MTA3: variants seen among roughly 807,000 people sequenced by gnomAD.
MTA3 encodes the protein metastasis-associated protein MTA3.
MTA3 carries 34 observed loss-of-function variants against 83.5 expected under a neutral mutation model. That is an observed-to-expected ratio of 0.41 (90% CI 0.31 to 0.54). The LOEUF (loss-of-function observed/expected upper bound fraction) is 0.54. MTA3 is among the 20% of genes least tolerant of loss of function. The pLI, the probability that MTA3 is intolerant of heterozygous loss-of-function variation, is 0.33. For synonymous variants in MTA3, 303 were observed against 252.7 expected, an observed-to-expected ratio of 1.20 and a Z score of -1.89; for missense variants, 761 against 726.4, an observed-to-expected ratio of 1.05 and a Z score of -0.55.
chr2:42,753,890 A>G lies in MTA3; in HGVS notation c.*491A>G, dbSNP rs761536371. 6 of 987,564 alleles carry G rather than the reference A, an allele frequency of 6.1e-6. No individual in the cohort carries two copies. Among genetic ancestry groups the G allele is most frequent in the Non-Finnish European group, 7.2e-6 (6 of 831,590 alleles). The allele number at this position is 987,564 out of a possible 1,614,324, so 61.2% of individuals were successfully genotyped here. A position where few individuals can be genotyped will look rare whatever the true frequency, so the allele number is the denominator to read the frequency against. On this transcript the variant is annotated 3_prime_UTR_variant, in exon 17 of 17. Transcript: ENST00000405094. ...AATGCGCCAGTGTTTATGAGGTTCA[A>G]GGTATTTCCCTGTCCTTGCTGTTAC...
intron 16 of MTA3, among the ~76,000 whole-genome samples, chr2:42,740,802 A>C (rs1013310971): frequency 6.6e-6 from 1 of 152,272 alleles, no homozygotes; most frequent in Non-Finnish European, 1.5e-5. Flanking sequence ...TAGGCAGAAT[A>C]GATTAAGCAT....
chr2:42,539,643 G>A (rs900894505), intron 2 of MTA3, among the ~76,000 whole-genome samples: 2 of 138,214 alleles, frequency 1.4e-5, no homozygotes, highest in Non-Finnish European at 3.0e-5. Flanking sequence ...ATGCAGTGGT[G>A]TGATCTCAGC....
chr2:42,572,353 G>C lies in MTA3; in HGVS notation c.96+1849G>C, dbSNP rs144789918. Among the ~76,000 whole-genome samples the C allele has an allele frequency of 3.4e-3, 519 of 152,112 alleles. 4 individuals are homozygous for C. The highest frequency in any genetic ancestry group is 0.013 in the South Asian group (63 of 4,816). On this transcript the variant is annotated intron_variant, in intron 2 of 16. Coordinates refer to ENST00000405094, the MANE Select transcript of MTA3 (RefSeq NM_001330442.2). ...AATCCTAACATTTTGGGAAGCTGAG[G>C]CCTCAGGATCCTTTGAGTCCAGGAG... is the stretch of plus-strand genomic sequence containing the variant.
At chr2:42,665,431 C>T (rs1690150891) in intron 8 of MTA3, among the ~76,000 whole-genome samples, 1 of 152,112 alleles carries the variant, frequency 6.6e-6, no homozygotes, top group African/African-American at 2.4e-5. Context: ...ACAGTACTTA[C>T]ATTGATCCTT....
chr2:42,573,897 C>G (rs1678756526), intron 2 of MTA3, among the ~76,000 whole-genome samples: 1 of 152,060 alleles, frequency 6.6e-6, no homozygotes, highest in Admixed American at 6.6e-5. Context: ...CAGCTCACTG[C>G]AAGCTCCGCC....
intron 2 of MTA3, among the ~76,000 whole-genome samples, chr2:42,510,741 A>G (rs1674860907): frequency 1.3e-5 from 2 of 152,168 alleles, no homozygotes; most frequent in African/African-American, 2.4e-5. Flanking sequence ...CAGGGGAAGA[A>G]GCGTTCCAGC....
intron 15 of MTA3, among the ~76,000 whole-genome samples, chr2:42,719,329 T>A (rs749114452): frequency 6.0e-4 from 91 of 152,116 alleles, no homozygotes; most frequent in Non-Finnish European, 1.2e-3. Flanking sequence ...GTAATATATA[T>A]TCATGGAAAT....
chr2:42,749,837 G>T (rs1311798633), intron 16 of MTA3, among the ~76,000 whole-genome samples: 1 of 152,030 alleles, frequency 6.6e-6, no homozygotes, highest in African/African-American at 2.4e-5. Flanking sequence ...AGTCAAATTA[G>T]CCTACCACGA....
rs1318583559 is a variant in MTA3 at position 42,640,171 on chromosome 2, A to C, written c.318-2A>C. On this transcript the variant is annotated splice_acceptor_variant, in intron 4 of 16. Coordinates refer to ENST00000405094, the MANE Select transcript of MTA3 (RefSeq NM_001330442.2). LOFTEE classifies it high-confidence loss of function. ...ATTTATTCTTTTTTTCTTTTTCAAC[A>C]GGGGAAAGTGCAGTGTTGCCCTTCT... is the stretch of plus-strand genomic sequence containing the variant. 1 of 1,601,192 alleles carries C rather than the reference A, an allele frequency of 6.2e-7. No individual in the cohort carries two copies. Among genetic ancestry groups the C allele is most frequent in the Non-Finnish European group, 8.5e-7 (1 of 1,174,708 alleles).
chr2:42,508,919 TG>T (rs1051704168), intron 2 of MTA3, among the ~76,000 whole-genome samples: 9 of 149,402 alleles, frequency 6.0e-5, no homozygotes, highest in African/African-American at 2.2e-4. Flanking sequence ...GTATATATGT[TG>T]GGGGAAAGGG....
intron 2 of MTA3, among the ~76,000 whole-genome samples, chr2:42,576,269 C>G (rs943338677): frequency 6.6e-6 from 1 of 152,100 alleles, no homozygotes; most frequent in East Asian, 1.9e-4. Flanking sequence ...AGGCAAGAAC[C>G]TTGACATAGA....
chr2:42,695,522 G>A (rs1222154091), intron 9 of MTA3, among the ~76,000 whole-genome samples: 6 of 150,552 alleles, frequency 4.0e-5, no homozygotes, highest in African/African-American at 1.5e-4. Flanking sequence ...TCTAATCCCA[G>A]CTGCTTGGGA....
At chr2:42,701,452 C>G (rs192990640) in intron 11 of MTA3, among the ~76,000 whole-genome samples, 2 of 147,196 alleles carry the variant, frequency 1.4e-5, no homozygotes, top group Non-Finnish European at 3.0e-5. Context: ...AAATAAAGAG[C>G]CAGGCATGGT....
intron 2 of MTA3, among the ~76,000 whole-genome samples, chr2:42,502,523 G>A (rs530058730): frequency 6.6e-6 from 1 of 152,128 alleles, no homozygotes; most frequent in African/African-American, 2.4e-5. Flanking sequence ...ATCCAGCCGG[G>A]TGCGGCGGCT....
chr2:42,580,734 T>C (rs2103877168), intron 3 of MTA3, among the ~76,000 whole-genome samples: 1 of 152,164 alleles, frequency 6.6e-6, no homozygotes, highest in East Asian at 1.9e-4. Context: ...TAGCTGGGAT[T>C]ACAGGCATGC....
At chr2:42,594,221 G>C (rs1681400259) in intron 3 of MTA3, among the ~76,000 whole-genome samples, 1 of 148,540 alleles carries the variant, frequency 6.7e-6, no homozygotes, top group African/African-American at 2.5e-5. Context: ...CAAAGTGCTA[G>C]GAGGGAGCCA....
intron 2 of MTA3, among the ~76,000 whole-genome samples, chr2:42,544,669 G>A (rs1264540533): frequency 6.6e-6 from 1 of 151,380 alleles, no homozygotes; most frequent in African/African-American, 2.4e-5. Flanking sequence ...TTACAGTCGT[G>A]AGCCACTTTG....
At chr2:42,495,065 G>C (rs1347585028) in intron 1 of MTA3, 1 of 152,664 alleles carries the variant, frequency 6.6e-6, no homozygotes, top group Non-Finnish European at 1.5e-5. Flanking sequence ...AAAAAATAAG[G>C]GTGGGGTAGG....
chr2:42,584,887 GA>G (rs377402647), intron 3 of MTA3, among the ~76,000 whole-genome samples: 24 of 151,082 alleles, frequency 1.6e-4, no homozygotes, highest in African/African-American at 4.6e-4. Flanking sequence ...TCTCTTGGGG[GA>G]AAAAAATGGA....
Sources: allele counts gnomAD v4.1 joint callset (sites outside exome capture counted in the v4.1 genomes callset), GRCh38; gene constraint gnomAD v4.1.1; transcripts MANE v1.5; gene names NCBI Gene and HGNC (gene_info 2026-07-23, HGNC 2026-07-21).